The following NOSTRIN variants were observed in gnomAD, a reference collection of about 807,000 sequenced individuals.
NOSTRIN encodes nitric oxide synthase trafficking.
NOSTRIN carries 63 observed loss-of-function variants against 59.0 expected under a neutral mutation model. The observed-to-expected ratio is 1.07, with a 90% CI of 0.87 to 1.32. The LOEUF (loss-of-function observed/expected upper bound fraction) is 1.32. Ranked by LOEUF, NOSTRIN falls within the 40% of genes most tolerant of loss-of-function variation. NOSTRIN has a pLI of 0.00. For synonymous variants in NOSTRIN, 200 were observed against 165.4 expected (o/e 1.21, Z -1.61); for missense variants, 512 against 473.1 (o/e 1.08, Z -0.76).
upstream of NOSTRIN, among the ~76,000 whole-genome samples, chr2:168,797,256 GT>G (rs1250025014): frequency 4.0e-5 from 6 of 151,192 alleles, no homozygotes; most frequent in South Asian, 4.2e-4. Context: ...TGCCTGACTA[GT>G]TTTTTTATTT....
chr2:168,798,964 A>C (rs1458706114), upstream of NOSTRIN, among the ~76,000 whole-genome samples: 1 of 152,108 alleles, frequency 6.6e-6, no homozygotes, highest in Non-Finnish European at 1.5e-5. Context: ...TGCCTCCTTG[A>C]ACCCACACCT....
Position 168,845,793 on chromosome 2 carries a change from T to TTC in NOSTRIN, c.630+2677_630+2678insCT, listed in dbSNP as rs1559132658. ...CCTAGTTTTAGTTTTTTTCTTCCTT[T>TTC]TTTTTTTTTTTTTTGTTAGAATCCA... On this transcript the variant is annotated intron_variant, in intron 8 of 15. Coordinates refer to ENST00000317647, the MANE Select transcript of NOSTRIN (RefSeq NM_001039724.4). Among the ~76,000 whole-genome samples the TTC allele has an allele frequency of 2.6e-4, 8 of 31,360 alleles. 1 individual carries two copies. In the African/African-American group the frequency reaches 2.6e-3, roughly 10 times the overall value. 20.6% of individuals were successfully genotyped at this position (31,360 alleles called of 152,430 possible).
intron 7 of NOSTRIN, among the ~76,000 whole-genome samples, chr2:168,842,326 C>G (rs147359484): frequency 8.0e-4 from 121 of 152,116 alleles, no homozygotes; most frequent in Middle Eastern, 3.4e-3. Flanking sequence ...TTCTGAGTCC[C>G]AAGATGTGCC....
At chr2:168,825,613 G>T (rs1349605370) in intron 3 of NOSTRIN, among the ~76,000 whole-genome samples, 2 of 152,102 alleles carry the variant, frequency 1.3e-5, no homozygotes, top group African/African-American at 2.4e-5. Flanking sequence ...GAAAGGTATT[G>T]GTTCACATTC....
intron 7 of NOSTRIN, among the ~76,000 whole-genome samples, chr2:168,841,107 G>C (rs1451711276): frequency 1.3e-5 from 2 of 151,490 alleles, no homozygotes; most frequent in Admixed American, 1.3e-4. Context: ...ATAAAAACTA[G>C]TCCCAGCTAC....
upstream of NOSTRIN, among the ~76,000 whole-genome samples, chr2:168,794,584 C>G (rs1469976207): frequency 6.6e-6 from 1 of 152,044 alleles, no homozygotes; most frequent in Non-Finnish European, 1.5e-5. Flanking sequence ...ATCTCCTGAC[C>G]TTGTGATCCA....
intron 15 of NOSTRIN, among the ~76,000 whole-genome samples, chr2:168,862,707 T>C (rs774111314): frequency 6.6e-6 from 1 of 152,190 alleles, no homozygotes; most frequent in Non-Finnish European, 1.5e-5. Context: ...GTAGTGGCTT[T>C]ATAATGTAAA....
chr2:168,795,183 T>C (rs1236270704), upstream of NOSTRIN, among the ~76,000 whole-genome samples: 1 of 151,952 alleles, frequency 6.6e-6, no homozygotes, highest in East Asian at 1.9e-4. Context: ...ATCCCACTGT[T>C]GGCACTTTAT....
intron 10 of NOSTRIN, among the ~76,000 whole-genome samples, chr2:168,853,268 C>T (rs986587045): frequency 6.6e-6 from 1 of 152,188 alleles, no homozygotes; most frequent in Non-Finnish European, 1.5e-5. Flanking sequence ...TAGTCATTGT[C>T]AATAAGTGTA....
intron 8 of NOSTRIN, among the ~76,000 whole-genome samples, chr2:168,845,583 CCTGTTAAGATCCTCTA>C (rs1261438476): frequency 3.3e-5 from 5 of 152,168 alleles, no homozygotes; most frequent in African/African-American, 7.2e-5. Context: ...TTCCTTTCCT[CCTGTTAAGATCCTCTA>C]CATGTTTCCC....
At chr2:168,821,555 G>A (rs931485378) in intron 2 of NOSTRIN, among the ~76,000 whole-genome samples, 7 of 152,218 alleles carry the variant, frequency 4.6e-5, no homozygotes, top group South Asian at 2.1e-4. Flanking sequence ...GTTCACATCC[G>A]AGGGGTGTTC....
chr2:168,820,503 G>A (rs778462603), intron 2 of NOSTRIN, among the ~76,000 whole-genome samples: 2 of 152,154 alleles, frequency 1.3e-5, no homozygotes, highest in Non-Finnish European at 2.9e-5. Flanking sequence ...TGTCTGGACA[G>A]TCTCTTTAGG....
chr2:168,839,817 C>T (rs1408335238), intron 7 of NOSTRIN, among the ~76,000 whole-genome samples: 3 of 141,276 alleles, frequency 2.1e-5, no homozygotes, highest in African/African-American at 5.3e-5. Flanking sequence ...ACCTGAGAGG[C>T]GGAGGTTGTA....
chr2:168,814,459 G>A (rs1244775089), intron 2 of NOSTRIN, among the ~76,000 whole-genome samples: 1 of 152,130 alleles, frequency 6.6e-6, no homozygotes, highest in Non-Finnish European at 1.5e-5. Context: ...CCTCTTAAAG[G>A]TGGGCTTATT....
intron 2 of NOSTRIN, chr2:168,811,955 T>G (rs1022653659): frequency 1.5e-5 from 3 of 201,506 alleles, no homozygotes; most frequent in African/African-American, 6.9e-5. Context: ...ATAGTCTCAT[T>G]ATTGTACTTT....
rs376138797 is a variant in NOSTRIN, at chr2:168,856,759, C to T, written c.1034C>T (p.Thr345Ile). Reference protein sequence around the residue: ...SFSDAKSQKDTAALMDENNLK... With the variant: ...SFSDAKSQKDIAALMDENNLK... ...TCTGATGCAAAGAGCCAGAAAGACA[C>T]AGCAGCGTTAATGGATGAGGTAAAT... Residue 345 changes from threonine (T) to isoleucine (I), a missense_variant, in exon 12 of 16, where the codon ACA becomes ATA. By Grantham distance (89) the Thr-to-Ile change is moderately conservative (BLOSUM62 -1). Coordinates refer to ENST00000317647, the MANE Select transcript of NOSTRIN (RefSeq NM_001039724.4). 6.2e-7 allele frequency: 1 copy of T among 1,613,996 alleles called. No individual in the cohort carries two copies. The highest frequency in any genetic ancestry group is 2.2e-5 in the East Asian group (1 of 44,904).
At position 168,851,478 on chromosome 2, in the gene NOSTRIN, T is replaced by C. The variant is rs113458955; in HGVS notation, c.855+74T>C. 578 of 1,520,634 alleles carry C rather than the reference T, an allele frequency of 3.8e-4. 3 individuals are homozygous for C. The highest frequency in any genetic ancestry group is 3.4e-3 in the African/African-American group (246 of 71,694). The allele number at this position is 1,520,634 out of a possible 1,614,324, so 94.2% of individuals were successfully genotyped here. A position where few individuals can be genotyped will look rare whatever the true frequency, so the allele number is the denominator to read the frequency against. ...TACTGAGGGACTTACATTGAAAAAA[T>C]TGAAAGCAAATATCATGTTTTATCA... On this transcript the variant is annotated intron_variant, in intron 10 of 15. Transcript: ENST00000317647.
chr2:168,794,072 A>G (rs571989309), upstream of NOSTRIN, among the ~76,000 whole-genome samples: 131 of 152,344 alleles, frequency 8.6e-4, no homozygotes, highest in Non-Finnish European at 1.4e-3. Flanking sequence ...ATAGAGTAAT[A>G]TAACCTTCCT....
chr2:168,788,433 G>C (rs1685261140), intron 2 of NOSTRIN, among the ~76,000 whole-genome samples: 1 of 152,150 alleles, frequency 6.6e-6, no homozygotes, highest in African/African-American at 2.4e-5. Flanking sequence ...ATTGGGCATG[G>C]AGATGTCTGC....
Sources: gnomAD v4.1 joint callset for allele counts (sites outside exome capture counted in the v4.1 genomes callset) on GRCh38, gnomAD v4.1.1 for gene constraint, MANE v1.5 for transcripts, NCBI Gene and HGNC (gene_info 2026-07-23, HGNC 2026-07-21) for gene names.